AOX1: variants seen among roughly 807,000 people sequenced by gnomAD.
AOX1 encodes aldehyde oxidase 1.
A neutral mutation model predicts 169.5 loss-of-function variants in AOX1; 153 were observed. The ratio of observed to expected loss-of-function variants is 0.90; its 90% CI spans 0.79 to 1.03. The LOEUF (loss-of-function observed/expected upper bound fraction) is 1.03. AOX1 is among the 50% of genes least tolerant of loss of function. The pLI, the probability that AOX1 is intolerant of heterozygous loss-of-function variation, is 0.00. For synonymous variants in AOX1, 562 were observed against 581.9 expected (o/e 0.97, Z 0.49); for missense variants, 1,656 against 1,663.9 (o/e 1.00, Z 0.08).
chr2:200,666,524 A>G (rs2035926922), intron 31 of AOX1, among the ~76,000 whole-genome samples, 163 bp from the exon 32 acceptor site: 1 of 152,224 alleles, frequency 6.6e-6, no homozygotes, highest in Non-Finnish European at 1.5e-5. Context: ...AGTTTTACAT[A>G]ATAAACTTTG....
intron 1 of AOX1, among the ~76,000 whole-genome samples, chr2:200,591,179 C>G (rs2034164443): frequency 6.6e-6 from 1 of 152,160 alleles, no homozygotes; most frequent in African/African-American, 2.4e-5. Flanking sequence ...TCCCCACCAC[C>G]AAGCTCAGTG....
chr2:200,628,563 A>T (rs1272387386), intron 20 of AOX1, among the ~76,000 whole-genome samples: 1 of 152,198 alleles, frequency 6.6e-6, no homozygotes, highest in African/African-American at 2.4e-5. Context: ...ATCTCAGAGC[A>T]GAGAAATCAT....
intron 24 of AOX1, among the ~76,000 whole-genome samples, 155 bp from the exon 25 acceptor site, chr2:200,642,455 C>CAAAA (rs58708868): frequency 5.9e-5 from 9 of 152,026 alleles, no homozygotes; most frequent in East Asian, 3.9e-4. Flanking sequence ...TATTTTACAG[C>CAAAA]AAAAAATGTG....
intron 14 of AOX1, 62 bp downstream of exon 14, chr2:200,612,855 GC>G: frequency 1.4e-6 from 2 of 1,386,694 alleles, no homozygotes; most frequent in Non-Finnish European, 2.0e-6. Flanking sequence ...TATTAGAGGA[GC>G]CCTTTTTGTG....
intron 31 of AOX1, among the ~76,000 whole-genome samples, chr2:200,663,333 G>C (rs1357399600): frequency 1.3e-5 from 2 of 152,144 alleles, no homozygotes; most frequent in African/African-American, 2.4e-5. Context: ...GGATTTCATA[G>C]ACATCTGTAA....
At chr2:200,667,154 T>C (rs2035937595) in intron 32 of AOX1, among the ~76,000 whole-genome samples, 1 of 152,180 alleles carries the variant, frequency 6.6e-6, no homozygotes, top group South Asian at 2.1e-4. Flanking sequence ...TAGCTGTTGG[T>C]AGGCAGCCTG....
intron 12 of AOX1, among the ~76,000 whole-genome samples, chr2:200,610,074 A>C (rs1442333047): frequency 9.0e-6 from 1 of 110,664 alleles, no homozygotes; most frequent in Non-Finnish European, 1.9e-5. Context: ...CCATAAAACT[A>C]TCTTTTTTTT....
chr2:200,661,673 G>A (rs768998220), intron 30 of AOX1, 42 bp downstream of exon 30: 27 of 1,480,034 alleles, frequency 1.8e-5, no homozygotes, highest in Admixed American at 1.0e-4. Context: ...GAAGAACAGT[G>A]GTATCTTGAG....
chr2:200,678,155 A>C (rs1013839914), downstream of AOX1: 1 of 152,204 alleles, frequency 6.6e-6, no homozygotes, highest in Non-Finnish European at 1.5e-5. Flanking sequence ...GTGCTAGTGG[A>C]TTGTACGAAT....
chr2:200,641,177 C>T lies in AOX1; in HGVS notation c.2648C>T (p.Ser883Leu). The T allele has an allele frequency of 6.2e-7, 1 of 1,607,532 alleles. No homozygotes were observed. The highest frequency in any genetic ancestry group is 2.2e-5 in the East Asian group (1 of 44,820). ...YSNAGASLDE[S>L]LFVIEMGLLK... is the part of the protein sequence containing the mutation. The stretch of plus-strand genomic sequence containing the variant: ...AATGCAGGCGCCTCCTTGGATGAAT[C>T]ATTATTCGTAAGTGTTTTAAGGAGC... Residue 883 changes from serine to leucine, a missense_variant, in exon 24 of 35, where the codon TCA (serine) becomes TTA (leucine). Physicochemically the swap from Ser to Leu is moderately radical, Grantham distance 145. Transcript: ENST00000374700.
chr2:200,681,170 A>G (rs1476692229), downstream of AOX1, among the ~76,000 whole-genome samples: 7 of 152,144 alleles, frequency 4.6e-5, no homozygotes, highest in Non-Finnish European at 5.9e-5. Flanking sequence ...TCCTTTCCCA[A>G]CTGCCTCAAT....
intron 14 of AOX1, among the ~76,000 whole-genome samples, chr2:200,613,069 T>C (rs1455298829): frequency 6.6e-6 from 1 of 151,252 alleles, no homozygotes; most frequent in Non-Finnish European, 1.5e-5. Flanking sequence ...AAGCCCTCCC[T>C]CAACAGTGCA....
intron 19 of AOX1, among the ~76,000 whole-genome samples, chr2:200,624,310 C>T (rs546015035): frequency 5.3e-5 from 8 of 152,274 alleles, no homozygotes; most frequent in Admixed American, 1.3e-4. Flanking sequence ...TGAGATCCAG[C>T]CTAATTAAGC....
At chr2:200,629,686 T>G (rs982573316) in intron 20 of AOX1, among the ~76,000 whole-genome samples, 2 of 152,212 alleles carry the variant, frequency 1.3e-5, no homozygotes, top group Admixed American at 6.5e-5. Flanking sequence ...GAGGGTACAT[T>G]TCTATCATAG....
chr2:200,636,528 G>A (rs574703736), intron 21 of AOX1, among the ~76,000 whole-genome samples: 7 of 152,170 alleles, frequency 4.6e-5, no homozygotes, highest in Non-Finnish European at 7.3e-5. Flanking sequence ...TTTGGGAAAC[G>A]TATGCCTAGG....
chr2:200,638,594 G>C (rs4619591), intron 23 of AOX1, among the ~76,000 whole-genome samples: 8,659 of 152,254 alleles, frequency 0.057, 562 homozygotes, highest in African/African-American at 0.16. Context: ...CGCCATTAAA[G>C]TAGATCTGAT....
chr2:200,616,811 G>A (rs1246339112), intron 16 of AOX1, among the ~76,000 whole-genome samples: 1 of 152,128 alleles, frequency 6.6e-6, no homozygotes, highest in African/African-American at 2.4e-5. Flanking sequence ...ACATGAAAAG[G>A]CTTTTTAAAG....
At chr2:200,600,791 A>G (rs2034398222) in intron 5 of AOX1, among the ~76,000 whole-genome samples, 1 of 152,168 alleles carries the variant, frequency 6.6e-6, no homozygotes, top group Non-Finnish European at 1.5e-5. Context: ...ACAAGTGATA[A>G]GGGGTTCTCA....
chr2:200,643,400 T>C (rs62279332), intron 25 of AOX1, among the ~76,000 whole-genome samples: 18,932 of 130,894 alleles, frequency 0.14, 1,312 homozygotes, highest in Middle Eastern at 0.19. Context: ...CACACACACA[T>C]ATATATATAT....
Sources: allele counts gnomAD v4.1 joint callset (sites outside exome capture counted in the v4.1 genomes callset), GRCh38; gene constraint gnomAD v4.1.1; transcripts MANE v1.5; gene names NCBI Gene and HGNC (gene_info 2026-07-23, HGNC 2026-07-21).